Variants in SAXO1 observed in about 807,000 individuals in gnomAD.
SAXO1 encodes stabilizer of axonemal microtubules 1.
A neutral mutation model predicts 17.5 loss-of-function variants in SAXO1; 21 were observed. The ratio of observed to expected loss-of-function variants is 1.20; its 90% confidence interval spans 0.85 to 1.72. The LOEUF (loss-of-function observed/expected upper bound fraction) is 1.72. Ranked by LOEUF, SAXO1 falls within the 40% of genes most tolerant of loss-of-function variation. The pLI is 0.00. For synonymous variants in SAXO1, 274 were observed against 216.5 expected, an observed-to-expected ratio of 1.27 and a Z score of -2.33; for missense variants, 843 against 596.0, an observed-to-expected ratio of 1.41 and a Z score of -4.32.
At chr9:19,013,936 T>A (rs1264412593) in intron 1 of SAXO1, among the ~76,000 whole-genome samples, 1 of 152,200 alleles carries the variant, frequency 6.6e-6, no homozygotes. Context: ...GTTCGTGAGC[T>A]GGGCATGTTA....
chr9:18,953,040 G>A (rs952188789), intron 1 of SAXO1, among the ~76,000 whole-genome samples: 9 of 152,160 alleles, frequency 5.9e-5, no homozygotes, highest in Non-Finnish European at 1.2e-4. Flanking sequence ...CAATCGGTCC[G>A]ACTATCTGAG....
chr9:19,011,848 G>GTTTTTTTTTTTTTTTTTTTTTTT lies in SAXO1; in HGVS notation c.38+21022_38+21023insAAAAAAAAAAAAAAAAAAAAAAA, dbSNP rs10646825. ...TTCAATTTTACCATTATTAAGCATA[G>GTTTTTTTTTTTTTTTTTTTTTTT]ATTTTTTTTTTTTTTTGAGATGGAG... On this transcript the variant is annotated intron_variant, in intron 1 of 3. Transcript: ENST00000380534. Among the ~76,000 whole-genome samples the GTTTTTTTTTTTTTTTTTTTTTTT allele has an allele frequency of 7.0e-5, 10 of 143,522 alleles. 1 individual carries two copies. Among genetic ancestry groups the GTTTTTTTTTTTTTTTTTTTTTTT allele is most frequent in the Non-Finnish European group, 7.5e-5 (5 of 66,496 alleles). The allele number at this position is 143,522 out of a possible 152,430, so 94.2% of individuals were successfully genotyped here. A position where few individuals can be genotyped will look rare whatever the true frequency, so the allele number is the denominator to read the frequency against.
chr9:18,987,174 G>A (rs1052444127), intron 1 of SAXO1, among the ~76,000 whole-genome samples: 1 of 152,214 alleles, frequency 6.6e-6, no homozygotes, highest in Non-Finnish European at 1.5e-5. Flanking sequence ...ACTGGAGACA[G>A]TGTCATGATT....
intron 1 of SAXO1, among the ~76,000 whole-genome samples, chr9:18,952,061 A>G (rs1379656841): frequency 6.6e-6 from 1 of 152,220 alleles, no homozygotes; most frequent in Non-Finnish European, 1.5e-5. Flanking sequence ...TAGTAAATGA[A>G]ACTTACTTAT....
chr9:18,992,179 A>C (rs1833840844), intron 1 of SAXO1, among the ~76,000 whole-genome samples: 2 of 152,188 alleles, frequency 1.3e-5, no homozygotes, highest in Non-Finnish European at 2.9e-5. Context: ...TGCCATAACA[A>C]AGTCTCAGAA....
At chr9:18,995,866 G>T (rs932520607) in intron 1 of SAXO1, among the ~76,000 whole-genome samples, 1 of 152,052 alleles carries the variant, frequency 6.6e-6, no homozygotes, top group African/African-American at 2.4e-5. Flanking sequence ...GATCACTTGA[G>T]GTCAGGAGTT....
At chr9:18,986,610 GAA>G (rs35750649) in intron 1 of SAXO1, among the ~76,000 whole-genome samples, 22 of 149,966 alleles carry the variant, frequency 1.5e-4, no homozygotes, top group African/African-American at 5.2e-4. Context: ...CTCCAAAGGA[GAA>G]AAAAAAAAGG....
Position 19,033,158 on chromosome 9 carries a change from G to C in SAXO1, c.-250C>G. The stretch of plus-strand genomic sequence containing the variant: ...CAGCCCGGGAGACCTCACCCTGCAC[G>C]CCACCGCCCCGGCCTCCGCAGTCCA... On this transcript the variant is annotated 5_prime_UTR_variant, in exon 1 of 4. Coordinates refer to ENST00000380534, the MANE Select transcript of SAXO1 (RefSeq NM_153707.4). 1 of 441,032 alleles carries C rather than the reference G, an allele frequency of 2.3e-6. No homozygotes were observed. The highest frequency in any genetic ancestry group is 4.0e-6 in the Non-Finnish European group (1 of 248,986). The allele number at this position is 441,032 out of a possible 1,614,324, so 27.3% of individuals were successfully genotyped here. A position where few individuals can be genotyped will look rare whatever the true frequency, so the allele number is the denominator to read the frequency against.
chr9:19,037,439 C>G (rs577123093), upstream of SAXO1, among the ~76,000 whole-genome samples: 2 of 152,236 alleles, frequency 1.3e-5, no homozygotes, highest in East Asian at 3.9e-4. Context: ...TGGGAGGGAC[C>G]CAGTGGGAGA....
rs760992531 is a variant in SAXO1 at position 18,950,781 on chromosome 9, T to C, written c.195A>G (p.Pro65=). The C allele has an allele frequency of 6.2e-7, 1 of 1,613,208 alleles. No individual in the cohort carries two copies. Among genetic ancestry groups the C allele is most frequent in the Non-Finnish European group, 8.5e-7 (1 of 1,179,426 alleles). Residue 65 remains proline, a synonymous_variant, in exon 2 of 4, where the codon CCA becomes CCG. Transcript: ENST00000380534. ...ACCTTGATGTAGTCAGGCCTTCCAT[T>C]GGTATAGGCCCTTTCTGGTACTCCC... ...PRREYQKGPI[P]MEGLTTSRRD... is the part of the protein sequence containing the mutation.
At chr9:18,983,750 G>T (rs1833486285) in intron 1 of SAXO1, among the ~76,000 whole-genome samples, 1 of 152,128 alleles carries the variant, frequency 6.6e-6, no homozygotes, top group African/African-American at 2.4e-5. Context: ...GAAATCAACT[G>T]CTTCCAAACT....
chr9:18,994,387 G>C (rs1306373091), intron 1 of SAXO1, among the ~76,000 whole-genome samples: 1 of 152,188 alleles, frequency 6.6e-6, no homozygotes, highest in African/African-American at 2.4e-5. Flanking sequence ...CCATGCACCA[G>C]TGCACTATCT....
At chr9:18,983,526 T>C (rs1212391973) in intron 1 of SAXO1, among the ~76,000 whole-genome samples, 1 of 152,236 alleles carries the variant, frequency 6.6e-6, no homozygotes, top group Non-Finnish European at 1.5e-5. Context: ...CAATGTTCAC[T>C]GCATTTTCAC....
chr9:18,950,840 A>G lies in SAXO1; in HGVS notation c.136T>C (p.Ser46Pro), dbSNP rs1832006459. The change falls in exon 2 of 4, where the codon TCC (serine) becomes CCC (proline). Residue 46 changes from serine (S) to proline (P), a missense_variant. Physicochemically the swap from Ser to Pro is moderately conservative, Grantham distance 74. Coordinates refer to ENST00000380534, the MANE Select transcript of SAXO1 (RefSeq NM_153707.4). Reference sequence around the variant, plus strand: ...TTGAAGGACTCTCTGGGCAGGTAGGAGTGATAGAAAGGGTAGTTCTCGGTA... The same window carrying G: ...TTGAAGGACTCTCTGGGCAGGTAGGGGTGATAGAAAGGGTAGTTCTCGGTA... ...EYTENYPFYH[S>P]YLPRESFKPR... 1 of 1,613,768 alleles carries G rather than the reference A, an allele frequency of 6.2e-7. No homozygotes were observed. Among genetic ancestry groups the G allele is most frequent in the Non-Finnish European group, 8.5e-7 (1 of 1,179,768 alleles).
At chr9:18,971,882 AATGTTAAAGGT>A (rs2131796376) in intron 1 of SAXO1, among the ~76,000 whole-genome samples, 1 of 152,298 alleles carries the variant, frequency 6.6e-6, no homozygotes, top group South Asian at 2.1e-4. Context: ...AGCACTGTAA[AATGTTAAAGGT>A]AACCCACTCT....
chr9:18,953,575 G>A (rs1190085946), intron 1 of SAXO1, among the ~76,000 whole-genome samples: 2 of 152,088 alleles, frequency 1.3e-5, no homozygotes, highest in African/African-American at 4.8e-5. Context: ...AAAAATAAAT[G>A]TTTCACTGCC....
chr9:18,989,162 C>T (rs1201265639), intron 1 of SAXO1, among the ~76,000 whole-genome samples: 1 of 152,168 alleles, frequency 6.6e-6, no homozygotes, highest in East Asian at 1.9e-4. Flanking sequence ...CTTTTAATGG[C>T]ATCATCTGAG....
intron 1 of SAXO1, among the ~76,000 whole-genome samples, chr9:18,962,240 G>C (rs531065410): frequency 3.3e-5 from 5 of 152,188 alleles, no homozygotes; most frequent in African/African-American, 9.6e-5. Context: ...GCTAATTTTT[G>C]TATTTTTAGT....
chr9:18,968,413 A>G (rs1334844138), intron 1 of SAXO1, among the ~76,000 whole-genome samples: 2 of 152,232 alleles, frequency 1.3e-5, no homozygotes, highest in Admixed American at 1.3e-4. Context: ...AATGTTAATG[A>G]TAGAATCTAA....
Sources: gnomAD v4.1 joint callset for allele counts (sites outside exome capture counted in the v4.1 genomes callset) on GRCh38, gnomAD v4.1.1 for gene constraint, MANE v1.5 for transcripts, NCBI Gene and HGNC (gene_info 2026-07-23, HGNC 2026-07-21) for gene names.